XKRX: variants seen among roughly 807,000 people sequenced by gnomAD.
XKRX encodes XK related X-linked.
A neutral mutation model predicts 22.4 loss-of-function variants in XKRX; 11 were observed. That is an observed-to-expected ratio of 0.49 (90% CI 0.31 to 0.81). The LOEUF is 0.81. Ranked by LOEUF, XKRX falls within the 40% of genes least tolerant of loss-of-function variation. XKRX has a pLI of 0.05. For synonymous variants in XKRX, 114 were observed against 132.2 expected (o/e 0.86, Z 0.94); for missense variants, 320 against 336.5 (o/e 0.95, Z 0.38).
chrX:100,923,164 AT>A, intron 1 of XKRX, 103 bp from the exon 2 acceptor site: 2 of 1,003,416 alleles, frequency 2.0e-6, no homozygotes, highest in Admixed American at 5.2e-5. Context: ...ACTTTATTTT[AT>A]TTTTGAGACA....
intron 2 of XKRX, among the ~76,000 whole-genome samples, chrX:100,917,652 A>AG (rs1491278645): frequency 4.6e-5 from 3 of 64,524 alleles, no homozygotes; most frequent in African/African-American, 2.3e-4. Context: ...AAAGAAAGAA[A>AG]GAAAGAAAGA....
Position 100,914,459 on chromosome X carries a change from G to A in XKRX, c.1229C>T (p.Ser410Leu). The A allele has an allele frequency of 2.5e-6, 3 of 1,211,976 alleles. No homozygotes were observed. Among genetic ancestry groups the A allele is most frequent in the Non-Finnish European group, 1.1e-6 (1 of 895,581 alleles). The part of the protein sequence containing the change: ...LFFQYLHPLR[S>L]LFTHNVVDYL... Reference sequence around the variant, plus strand: ...GTCTACTACATTATGGGTGAAGAGTGAGCGCAATGGATGCAAGTACTGGAA... The same window carrying A: ...GTCTACTACATTATGGGTGAAGAGTAAGCGCAATGGATGCAAGTACTGGAA... Residue 410 changes from serine (S) to leucine (L), a missense_variant, in exon 3 of 3, where the codon TCA (serine) becomes TTA (leucine). Coordinates refer to ENST00000372956, the MANE Select transcript of XKRX (RefSeq NM_212559.3).
At chrX:100,938,399 C>A in the XKRX span, among the ~76,000 whole-genome samples, 1 of 111,479 alleles carries the variant, frequency 9.0e-6, no homozygotes, top group Non-Finnish European at 1.9e-5. Flanking sequence ...GAGGCTGAGG[C>A]GGGCGGATCA....
chrX:100,900,788 CTT>C, the XKRX span, among the ~76,000 whole-genome samples: 1 of 89,245 alleles, frequency 1.1e-5, no homozygotes, highest in African/African-American at 4.2e-5. Context: ...TCACAATCTC[CTT>C]TTTTTTTTTT....
the XKRX span, among the ~76,000 whole-genome samples, chrX:100,904,746 T>A: frequency 1.5e-3 from 166 of 111,621 alleles, no homozygotes; most frequent in African/African-American, 5.1e-3. Flanking sequence ...GAAGGTCTTA[T>A]GGGTAAGTGA....
At chrX:100,898,611 C>T in the XKRX span, among the ~76,000 whole-genome samples, 1 of 100,300 alleles carries the variant, frequency 1.0e-5, no homozygotes, top group African/African-American at 3.7e-5. Flanking sequence ...AAAAAAAAAA[C>T]AAGAAGGCCA....
At chrX:100,951,369 C>T in the XKRX span, among the ~76,000 whole-genome samples, 1 of 100,235 alleles carries the variant, frequency 1.0e-5, no homozygotes, top group Non-Finnish European at 2.0e-5. Flanking sequence ...ATGCAATATA[C>T]CCATGTAACA....
chrX:100,939,935 A>G, the XKRX span, among the ~76,000 whole-genome samples: 15 of 112,457 alleles, frequency 1.3e-4, no homozygotes, highest in African/African-American at 3.9e-4. Context: ...AAGGATAATC[A>G]TATATAAAAT....
At chrX:100,949,825 C>A in the XKRX span, among the ~76,000 whole-genome samples, 2 of 111,695 alleles carry the variant, frequency 1.8e-5, no homozygotes, top group African/African-American at 6.5e-5. Flanking sequence ...AATGATCTGA[C>A]AAGGATTTTA....
At chrX:100,893,751 A>G in the XKRX span, among the ~76,000 whole-genome samples, 16 of 111,958 alleles carry the variant, frequency 1.4e-4, no homozygotes, top group Non-Finnish European at 1.9e-4. Context: ...TTACAAGGGG[A>G]AGCTAAACAA....
At chrX:100,901,768 G>A in the XKRX span, among the ~76,000 whole-genome samples, 2 of 111,604 alleles carry the variant, frequency 1.8e-5, no homozygotes, top group Non-Finnish European at 3.8e-5. Flanking sequence ...GGGAGGCTGA[G>A]GCGAGTGGAT....
upstream of XKRX, chrX:100,928,934 C>A: frequency 3.2e-6 from 2 of 622,131 alleles, no homozygotes; most frequent in Non-Finnish European, 3.9e-6. Flanking sequence ...CCAGGGTTCT[C>A]AGGATAGCTC....
Position 100,922,777 on chromosome X carries a change from T to C in XKRX, c.604+16A>G. Reference sequence around the variant, plus strand: ...TTGATTTAACTGGAGCCCTCCCCTCTCCTGACCCCACTCACCTCTACCCAG... The same window carrying C: ...TTGATTTAACTGGAGCCCTCCCCTCCCCTGACCCCACTCACCTCTACCCAG... On this transcript the variant is annotated intron_variant, in intron 2 of 2. Coordinates refer to ENST00000372956, the MANE Select transcript of XKRX (RefSeq NM_212559.3). 1.7e-6 allele frequency: 2 copies of C among 1,204,877 alleles called. No homozygotes were observed. Among genetic ancestry groups the C allele is most frequent in the Non-Finnish European group, 2.2e-6 (2 of 890,681 alleles).
At chrX:100,936,561 A>G in the XKRX span, among the ~76,000 whole-genome samples, 45 of 95,621 alleles carry the variant, frequency 4.7e-4, 2 homozygotes, top group East Asian at 5.7e-3. Context: ...AAAAAAAAAA[A>G]AAAAAAAAAG....
chrX:100,888,488 T>C, the XKRX span: 1 of 861,330 alleles, frequency 1.2e-6, no homozygotes, highest in East Asian at 3.1e-5. Context: ...TCCCCATCGC[T>C]CAAAATGGCT....
chrX:100,923,296 C>T (rs777534479), intron 1 of XKRX, among the ~76,000 whole-genome samples: 1 of 111,801 alleles, frequency 8.9e-6, no homozygotes, highest in Non-Finnish European at 1.9e-5. Context: ...GGACTACAGG[C>T]GCATGCCACC....
chrX:100,906,171 A>AC, the XKRX span, among the ~76,000 whole-genome samples: 1 of 111,503 alleles, frequency 9.0e-6, no homozygotes, highest in Non-Finnish European at 1.9e-5. Flanking sequence ...CCCTCCCCCC[A>AC]CAAGTGCATA....
intron 1 of XKRX, among the ~76,000 whole-genome samples, chrX:100,927,364 G>T (rs1003379311): frequency 9.0e-6 from 1 of 110,937 alleles, no homozygotes. Context: ...TAGAGACAGG[G>T]GTTTCACCAT....
rs1304783138 is a variant in XKRX at position 100,920,647 on chromosome X, C to T, written c.604+2146G>A. On this transcript the variant is annotated intron_variant, in intron 2 of 2. Coordinates refer to ENST00000372956, the MANE Select transcript of XKRX (RefSeq NM_212559.3). ...TACAGAAGAATTTTAAAAAGTAAGA[C>T]TGCTGACTTTTCATTCCCACTCCGC... is the stretch of plus-strand genomic sequence containing the variant. Among the ~76,000 whole-genome samples, 4 of 112,536 alleles carry T rather than the reference C, an allele frequency of 3.6e-5. No individual in the cohort carries two copies. The Admixed American group carries it at 3.8e-4, about 11-fold the overall frequency.
Sources: allele counts gnomAD v4.1 joint callset (sites outside exome capture counted in the v4.1 genomes callset), GRCh38; gene constraint gnomAD v4.1.1; transcripts MANE v1.5; gene names NCBI Gene and HGNC (gene_info 2026-07-23, HGNC 2026-07-21).